CNTNAP5: variants seen among roughly 807,000 people sequenced by gnomAD.
CNTNAP5 encodes contactin-associated protein-like 5.
Under a neutral mutation model 150.2 loss-of-function variants are expected in CNTNAP5, and 72 were observed. The observed-to-expected ratio is 0.48, with a 90% confidence interval of 0.40 to 0.58. The LOEUF (loss-of-function observed/expected upper bound fraction) is 0.58. CNTNAP5 is among the 20% of genes least tolerant of loss of function. CNTNAP5 has a pLI of 0.00. For missense variants in CNTNAP5, 1,636 were observed against 1,626.2 expected (o/e 1.01, Z -0.10); for synonymous variants, 672 against 619.8 (o/e 1.08, Z -1.25).
intron 19 of CNTNAP5, among the ~76,000 whole-genome samples, chr2:124,815,531 G>T (rs1029633943): frequency 9.2e-5 from 14 of 152,108 alleles, no homozygotes; most frequent in African/African-American, 2.9e-4. Flanking sequence ...CCGAGCTTTC[G>T]TCTCATGCTA....
intron 21 of CNTNAP5, among the ~76,000 whole-genome samples, chr2:124,882,250 A>T (rs1677978617): frequency 6.6e-6 from 1 of 152,084 alleles, no homozygotes; most frequent in Admixed American, 6.6e-5. Flanking sequence ...GAGGTTAGAA[A>T]GGAGCGAGAA....
At chr2:124,795,831 T>C (rs989314121) in intron 18 of CNTNAP5, among the ~76,000 whole-genome samples, 3 of 152,122 alleles carry the variant, frequency 2.0e-5, no homozygotes, top group Non-Finnish European at 4.4e-5. Flanking sequence ...TGTTTGTTTT[T>C]TTTAAAATAT....
chr2:124,811,708 G>GA (rs11431738), intron 19 of CNTNAP5, among the ~76,000 whole-genome samples: 26 of 149,610 alleles, frequency 1.7e-4, no homozygotes, highest in African/African-American at 4.0e-4. Flanking sequence ...TTAGGAGGCG[G>GA]GGGGGGTGGA....
At chr2:124,342,965 T>C (rs1689654949) in intron 3 of CNTNAP5, among the ~76,000 whole-genome samples, 1 of 152,178 alleles carries the variant, frequency 6.6e-6, no homozygotes, top group East Asian at 1.9e-4. Flanking sequence ...ATCAAAGTTT[T>C]CAGAAACCTG....
chr2:124,115,913 G>T (rs1683418880), intron 1 of CNTNAP5, among the ~76,000 whole-genome samples: 1 of 151,900 alleles, frequency 6.6e-6, no homozygotes, highest in African/African-American at 2.4e-5. Flanking sequence ...AAGGTGCTGG[G>T]ATTACAGGCA....
chr2:124,154,921 C>T (rs907888699), intron 1 of CNTNAP5, among the ~76,000 whole-genome samples: 1 of 152,046 alleles, frequency 6.6e-6, no homozygotes, highest in African/African-American at 2.4e-5. Flanking sequence ...TAAAAGCTCA[C>T]CAAATGATTC....
At chr2:124,399,527 T>C (rs1383700175) in intron 3 of CNTNAP5, among the ~76,000 whole-genome samples, 1 of 151,942 alleles carries the variant, frequency 6.6e-6, no homozygotes, top group Non-Finnish European at 1.5e-5. Context: ...TCCCTGGAAG[T>C]GATCCTGGAA....
Position 124,920,417 on chromosome 2 carries a change from G to A in CNTNAP5, c.*6129G>A, listed in dbSNP as rs1055402419. ...AGCCTCTATCACAAACATTTTACAT[G>A]AAATATTCACCTAGTCTATTCTCTT... On this transcript the variant is annotated 3_prime_UTR_variant, in exon 24 of 24. Coordinates refer to ENST00000682447, the MANE Select transcript of CNTNAP5 (RefSeq NM_001367498.1). 3.9e-5 allele frequency among the ~76,000 whole-genome samples: 6 copies of A among 152,098 alleles called. No individual in the cohort carries two copies. The highest frequency in any genetic ancestry group is 1.2e-4 in the African/African-American group (5 of 41,426).
At chr2:124,321,797 A>C (rs902666091) in intron 3 of CNTNAP5, among the ~76,000 whole-genome samples, 4 of 152,164 alleles carry the variant, frequency 2.6e-5, no homozygotes, top group African/African-American at 9.7e-5. Flanking sequence ...AAAAATTAGG[A>C]AGTTAAGGCA....
intron 1 of CNTNAP5, among the ~76,000 whole-genome samples, chr2:124,083,532 G>GT (rs1478747018): frequency 1.7e-4 from 26 of 151,868 alleles, no homozygotes; most frequent in Non-Finnish European, 2.5e-4. Flanking sequence ...AGTTTTTACT[G>GT]TTTTTTTCTA....
intron 1 of CNTNAP5, among the ~76,000 whole-genome samples, chr2:124,147,877 A>G (rs1402888708): frequency 6.6e-6 from 1 of 152,210 alleles, no homozygotes; most frequent in African/African-American, 2.4e-5. Context: ...TTCAACAGTG[A>G]CTTTTCCAAA....
chr2:124,411,346 GA>G (rs1370411546), intron 3 of CNTNAP5, among the ~76,000 whole-genome samples: 3 of 151,980 alleles, frequency 2.0e-5, no homozygotes, highest in Non-Finnish European at 4.4e-5. Flanking sequence ...CCAATCAATA[GA>G]AAAAGAGGGT....
chr2:124,703,956 A>T (rs923542462), intron 13 of CNTNAP5, among the ~76,000 whole-genome samples: 1 of 152,184 alleles, frequency 6.6e-6, no homozygotes, highest in Non-Finnish European at 1.5e-5. Flanking sequence ...TTAAATTTCC[A>T]TCCACAGATG....
chr2:124,385,809 T>A (rs930570990), intron 3 of CNTNAP5, among the ~76,000 whole-genome samples: 5 of 152,194 alleles, frequency 3.3e-5, no homozygotes, highest in African/African-American at 7.2e-5. Flanking sequence ...GCCCCCTGAG[T>A]ACTCTATCCC....
At chr2:124,234,197 C>A (rs1382046265) in intron 2 of CNTNAP5, among the ~76,000 whole-genome samples, 1 of 152,070 alleles carries the variant, frequency 6.6e-6, no homozygotes, top group Non-Finnish European at 1.5e-5. Flanking sequence ...ATCAGGTATA[C>A]ATAATCCACT....
chr2:124,312,358 A>G (rs916344920), intron 3 of CNTNAP5, among the ~76,000 whole-genome samples: 1 of 151,806 alleles, frequency 6.6e-6, no homozygotes, highest in African/African-American at 2.4e-5. Context: ...TTTATTTTTT[A>G]TTTTTCTGAG....
rs950981352 is a variant in CNTNAP5 at position 124,574,294 on chromosome 2, A to T, written c.1756+10971A>T. Among the ~76,000 whole-genome samples, 5 of 152,198 alleles carry T rather than the reference A, an allele frequency of 3.3e-5. No individual in the cohort carries two copies. The East Asian group carries it at 9.6e-4, about 29-fold the overall frequency. On this transcript the variant is annotated intron_variant, in intron 11 of 23. Transcript: ENST00000682447. ...TTGTGATCCATGATTCCTCATGAATACTGTGTGGATTATACGTGGATTATA... is the reference window on the plus strand; with the variant it reads ...TTGTGATCCATGATTCCTCATGAATTCTGTGTGGATTATACGTGGATTATA...
intron 19 of CNTNAP5, among the ~76,000 whole-genome samples, chr2:124,823,929 T>C (rs1378041176): frequency 6.6e-6 from 1 of 151,832 alleles, no homozygotes; most frequent in Non-Finnish European, 1.5e-5. Context: ...TTTCTTTTTT[T>C]TTTTTTGAGA....
At chr2:124,515,676 T>C (rs1694696666) in intron 8 of CNTNAP5, among the ~76,000 whole-genome samples, 1 of 152,120 alleles carries the variant, frequency 6.6e-6, no homozygotes, top group African/African-American at 2.4e-5. Flanking sequence ...GATTGGGGGA[T>C]GGATTTTGAT....
Sources: gnomAD v4.1 joint callset for allele counts (sites outside exome capture counted in the v4.1 genomes callset) on GRCh38, gnomAD v4.1.1 for gene constraint, MANE v1.5 for transcripts, NCBI Gene and HGNC (gene_info 2026-07-23, HGNC 2026-07-21) for gene names.